ZNF250: variants seen among roughly 807,000 people sequenced by gnomAD.
ZNF250 encodes zinc finger protein (clone 647).
In ZNF250, 13 loss-of-function variants were observed where a neutral mutation model predicts 37.1. The observed-to-expected ratio is 0.35, with a 90% CI of 0.23 to 0.56. The LOEUF is 0.56. Ranked by LOEUF, ZNF250 falls within the 20% of genes least tolerant of loss-of-function variation. The pLI, the probability that ZNF250 is intolerant of heterozygous loss-of-function variation, is 0.87. For missense variants in ZNF250, 474 were observed against 697.9 expected (o/e 0.68, Z 3.61); for synonymous variants, 251 against 265.6 (o/e 0.94, Z 0.54).
At chr8:144,888,595 C>CAAA (rs36073563) in intron 4 of ZNF250, among the ~76,000 whole-genome samples, 11 of 54,634 alleles carry the variant, frequency 2.0e-4, no homozygotes, top group Admixed American at 3.4e-4. Context: ...AAGACTGTCT[C>CAAA]AAAAAAAAAA....
rs1831418805 is a variant in ZNF250 at position 144,880,833 on chromosome 8, A to G, written c.*682T>C. The G allele has an allele frequency of 4.6e-6, 1 of 215,940 alleles. No individual in the cohort carries two copies. Among genetic ancestry groups the G allele is most frequent in the South Asian group, 6.9e-5 (1 of 14,554 alleles). 13.4% of individuals were successfully genotyped at this position (215,940 alleles called of 1,614,324 possible). A position where few individuals can be genotyped will look rare whatever the true frequency, so the allele number is the denominator to read the frequency against. ...CAGTGAGCCAAGATCATGCCACTGC[A>G]CTGCAGCTTGGGCAACAGAGCAAGA... On this transcript the variant is annotated 3_prime_UTR_variant, in exon 6 of 6. Transcript: ENST00000417550.
intron 1 of ZNF250, among the ~76,000 whole-genome samples, chr8:144,896,733 T>C (rs1832751540): frequency 1.3e-5 from 2 of 152,144 alleles, no homozygotes; most frequent in Admixed American, 1.3e-4. Flanking sequence ...CCTCTATAGA[T>C]GCCAGGCTCC....
rs184166328 is a variant in ZNF250, at chr8:144,885,004, G to A, written c.346+1836C>T. On this transcript the variant is annotated intron_variant, in intron 5 of 5. Coordinates refer to ENST00000417550, the MANE Select transcript of ZNF250 (RefSeq NM_001109689.4). Reference sequence around the variant, plus strand: ...AAATTTGTGCCTACTTTTCTTTTTGGGTAATTCTGCGTCTTTTTATTCTAT... The same window carrying A: ...AAATTTGTGCCTACTTTTCTTTTTGAGTAATTCTGCGTCTTTTTATTCTAT... Among the ~76,000 whole-genome samples, 459 of 152,012 alleles carry A rather than the reference G, an allele frequency of 3.0e-3. 3 individuals carry two copies. The highest frequency in any genetic ancestry group is 1.0e-2 in the African/African-American group (414 of 41,474).
Position 144,882,219 on chromosome 8 carries a change from G to T in ZNF250, c.964C>A (p.Arg322=), listed in dbSNP as rs753994088. 6.2e-7 allele frequency: 1 copy of T among 1,613,906 alleles called. No homozygotes were observed. Among genetic ancestry groups the T allele is most frequent in the Non-Finnish European group, 8.5e-7 (1 of 1,179,950 alleles). ...GKAFNHSTVL[R]SHQRVHTGEK... ...CCAGTGTGTACCCTCTGGTGGCTCC[G>T]CAGAACAGTGCTATGGTTGAAGGCT... Residue 322 remains arginine (R), a synonymous_variant, in exon 6 of 6, where the codon CGG becomes AGG. Coordinates refer to ENST00000417550, the MANE Select transcript of ZNF250 (RefSeq NM_001109689.4). The surrounding 1 kb of genome is among the most constrained non-coding windows in gnomAD (Gnocchi z 5.5).
chr8:144,877,601 G>C lies in ZNF250; in HGVS notation c.*3914C>G. On this transcript the variant is annotated 3_prime_UTR_variant, in exon 6 of 6. Transcript: ENST00000417550. ...TCTTTCTCCTTGGAGAGGAGGAGGTGAGTGGCAAGAAAATGTAGCCTGGGA... is the reference window on the plus strand; with the variant it reads ...TCTTTCTCCTTGGAGAGGAGGAGGTCAGTGGCAAGAAAATGTAGCCTGGGA... 6.6e-6 allele frequency: 1 copy of C among 152,166 alleles called. No individual in the cohort carries two copies. Among genetic ancestry groups the C allele is most frequent in the East Asian group, 1.9e-4 (1 of 5,190 alleles). The allele number at this position is 152,166 out of a possible 1,614,324, so 9.4% of individuals were successfully genotyped here.
intron 4 of ZNF250, among the ~76,000 whole-genome samples, chr8:144,888,751 A>G (rs552077407): frequency 1.3e-5 from 2 of 150,800 alleles, no homozygotes; most frequent in African/African-American, 4.9e-5. Context: ...CCTTATTTTT[A>G]TTTTTATTTT....
intron 1 of ZNF250, among the ~76,000 whole-genome samples, chr8:144,892,480 A>G (rs1832412520): frequency 6.6e-6 from 1 of 152,202 alleles, no homozygotes; most frequent in African/African-American, 2.4e-5. Context: ...GTTACATTTT[A>G]GTTCAGCAGG....
In ZNF250 at chr8:144,890,220, T is replaced by A; in HGVS notation, c.42+88A>T. 6.7e-7 allele frequency: 1 copy of A among 1,499,546 alleles called. No individual in the cohort carries two copies. Among genetic ancestry groups the A allele is most frequent in the South Asian group, 1.2e-5 (1 of 83,122 alleles). The allele number at this position is 1,499,546 out of a possible 1,614,324, so 92.9% of individuals were successfully genotyped here. On this transcript the variant is annotated intron_variant, in intron 2 of 5. Coordinates refer to ENST00000417550, the MANE Select transcript of ZNF250 (RefSeq NM_001109689.4). The surrounding 1 kb of genome is among the most constrained non-coding windows in gnomAD (Gnocchi z 5.1). Reference sequence around the variant, plus strand: ...CGGAGTTCAGGGCATGTGGTGACGCTCTGGCTGCTCTTAGGAGCTCTACGG... The same window carrying A: ...CGGAGTTCAGGGCATGTGGTGACGCACTGGCTGCTCTTAGGAGCTCTACGG...
In ZNF250 at chr8:144,877,560, T is replaced by G. The variant is rs901691023; in HGVS notation, c.*3955A>C. ...AAGGTAGATAGCCCACATGTTCCAG[T>G]AGGTCATGTGCCACCTCTTTCTCCT... On this transcript the variant is annotated 3_prime_UTR_variant, in exon 6 of 6. Coordinates refer to ENST00000417550, the MANE Select transcript of ZNF250 (RefSeq NM_001109689.4). The G allele has an allele frequency of 6.6e-6, 1 of 152,206 alleles. No homozygotes were observed. Among genetic ancestry groups the G allele is most frequent in the Non-Finnish European group, 1.5e-5 (1 of 68,038 alleles). 9.4% of individuals were successfully genotyped at this position (152,206 alleles called of 1,614,324 possible). A position where few individuals can be genotyped will look rare whatever the true frequency, so the allele number is the denominator to read the frequency against.
intron 1 of ZNF250, among the ~76,000 whole-genome samples, chr8:144,899,125 T>C (rs958081014): frequency 2.6e-5 from 4 of 151,944 alleles, no homozygotes; most frequent in Non-Finnish European, 4.4e-5. Flanking sequence ...ATAAGCCAGG[T>C]ACAGAAAGAC....
At chr8:144,885,825 AC>A (rs1831834992) in intron 5 of ZNF250, among the ~76,000 whole-genome samples, 1 of 152,040 alleles carries the variant, frequency 6.6e-6, no homozygotes. Context: ...CTGAAGTTTC[AC>A]CCGGTGTGGT....
intron 1 of ZNF250, among the ~76,000 whole-genome samples, chr8:144,900,900 G>A (rs1450519194): frequency 6.6e-6 from 1 of 152,218 alleles, no homozygotes; most frequent in Admixed American, 6.5e-5. Flanking sequence ...CCCTTTCCGG[G>A]CCCATCCCAG....
rs1276666909 is a variant in ZNF250, at chr8:144,881,806, C to G, written c.1377G>C (p.Arg459=). The change falls in exon 6 of 6, where the codon CGG becomes CGC. Residue 459 remains arginine (R), a synonymous_variant. Coordinates refer to ENST00000417550, the MANE Select transcript of ZNF250 (RefSeq NM_001109689.4). ...GECGHAFSAR[R]SLIQHERIHT... is the part of the protein sequence containing the mutation. ...GGATTCTCTCATGCTGGATCAGAGA[C>G]CGGCGTGCACTGAAGGCGTGCCCAC... 1.2e-6 allele frequency: 2 copies of G among 1,613,956 alleles called. No homozygotes were observed. Among genetic ancestry groups the G allele is most frequent in the Non-Finnish European group, 1.7e-6 (2 of 1,180,008 alleles).
chr8:144,886,978 G>A, intron 4 of ZNF250, 76 bp from the exon 5 acceptor site: 2 of 1,339,154 alleles, frequency 1.5e-6, no homozygotes. Flanking sequence ...CGGGCATGGT[G>A]GCTCACGTCT....
intron 5 of ZNF250, among the ~76,000 whole-genome samples, chr8:144,885,902 T>C (rs970387459): frequency 6.6e-6 from 1 of 152,008 alleles, no homozygotes; most frequent in African/African-American, 2.4e-5. Flanking sequence ...GGCCAGGAGT[T>C]TGAGACCAGC....
chr8:144,880,754 C>G lies in ZNF250; in HGVS notation c.*761G>C, dbSNP rs1831413656. On this transcript the variant is annotated 3_prime_UTR_variant, in exon 6 of 6. Coordinates refer to ENST00000417550, the MANE Select transcript of ZNF250 (RefSeq NM_001109689.4). ...TGGCGCATATCTATAATCCTAGTTA[C>G]TTGGGAGACTGAGGCACAAGAAAAG... 1 of 291,014 alleles carries G rather than the reference C, an allele frequency of 3.4e-6. No individual in the cohort carries two copies. Among genetic ancestry groups the G allele is most frequent in the Non-Finnish European group, 7.0e-6 (1 of 142,952 alleles). 18.0% of individuals were successfully genotyped at this position (291,014 alleles called of 1,614,324 possible). A position where few individuals can be genotyped will look rare whatever the true frequency, so the allele number is the denominator to read the frequency against.
Position 144,882,058 on chromosome 8 carries a change from T to G in ZNF250, c.1125A>C (p.Ser375=). 1 of 1,613,468 alleles carries G rather than the reference T, an allele frequency of 6.2e-7. No homozygotes were observed. Among genetic ancestry groups the G allele is most frequent in the Non-Finnish European group, 8.5e-7 (1 of 1,179,836 alleles). Residue 375 remains serine, a synonymous_variant, in exon 6 of 6, where the codon TCA becomes TCC. Transcript: ENST00000417550. The surrounding 1 kb of genome is among the most constrained non-coding windows in gnomAD (Gnocchi z 5.5). ...SECGKAFSDR[S]VLIQHHNVHT... is the part of the protein sequence containing the mutation. ...GCACGTTGTGGTGCTGAATGAGGAC[T>G]GAGCGGTCGCTGAAGGCCTTCCCAC...
At chr8:144,893,186 A>C (rs1037592424) in intron 1 of ZNF250, among the ~76,000 whole-genome samples, 2 of 152,150 alleles carry the variant, frequency 1.3e-5, no homozygotes, top group African/African-American at 4.8e-5. Flanking sequence ...TTTTGGATTA[A>C]GATGAAGACC....
chr8:144,887,392 C>A (rs1325279996), intron 4 of ZNF250, among the ~76,000 whole-genome samples: 1 of 151,840 alleles, frequency 6.6e-6, no homozygotes, highest in African/African-American at 2.4e-5. Flanking sequence ...ACTGCCAGGA[C>A]AAGACAAAGG....
Sources: allele counts gnomAD v4.1 joint callset (sites outside exome capture counted in the v4.1 genomes callset), GRCh38; gene constraint gnomAD v4.1.1; non-coding constraint Gnocchi (gnomAD v3.1); transcripts MANE v1.5; gene names NCBI Gene and HGNC (gene_info 2026-07-23, HGNC 2026-07-21).